UNC13C: variants seen among roughly 807,000 people sequenced by gnomAD.
The protein encoded by UNC13C is protein unc-13 homolog C.
Under a neutral mutation model 245.4 loss-of-function variants are expected in UNC13C, and 174 were observed. That is an observed-to-expected ratio of 0.71 (90% confidence interval 0.63 to 0.80). UNC13C has a LOEUF of 0.80. Ranked by LOEUF, UNC13C falls within the 30% of genes least tolerant of loss-of-function variation. The pLI, the probability that UNC13C is intolerant of heterozygous loss-of-function variation, is 0.00. For missense variants in UNC13C, 2,829 were observed against 2,602.9 expected (o/e 1.09, Z -1.89); for synonymous variants, 992 against 895.1 (o/e 1.11, Z -1.93).
At chr15:54,154,613 T>A (rs571903538) in intron 4 of UNC13C, among the ~76,000 whole-genome samples, 1 of 152,214 alleles carries the variant, frequency 6.6e-6, no homozygotes, top group Non-Finnish European at 1.5e-5. Context: ...TTCCGTTTTT[T>A]CCCCTTATTT....
intron 1 of UNC13C, among the ~76,000 whole-genome samples, chr15:53,994,353 A>G (rs1459206908): frequency 6.6e-6 from 1 of 152,064 alleles, no homozygotes; most frequent in East Asian, 1.9e-4. Context: ...TTACTTAAAG[A>G]GCACCTTAAG....
At chr15:54,071,885 C>A (rs11071024) in intron 2 of UNC13C, among the ~76,000 whole-genome samples, 74,848 of 151,880 alleles carry the variant, frequency 0.49, 20,285 homozygotes, top group Non-Finnish European at 0.61. Context: ...TGACCCCTGG[C>A]CTGACTTACT....
chr15:54,061,036 G>C (rs181182257), intron 2 of UNC13C, among the ~76,000 whole-genome samples: 144 of 152,126 alleles, frequency 9.5e-4, no homozygotes, highest in Middle Eastern at 3.4e-3. Flanking sequence ...GTTAATGGGT[G>C]CAGCACACCA....
intron 19 of UNC13C, among the ~76,000 whole-genome samples, chr15:54,484,040 G>T (rs1328927204): frequency 6.6e-6 from 1 of 151,112 alleles, no homozygotes; most frequent in Non-Finnish European, 1.5e-5. Context: ...ATTATTTGTT[G>T]CAGGGTTGGG....
intron 4 of UNC13C, among the ~76,000 whole-genome samples, chr15:54,164,131 C>T (rs759107990): frequency 1.9e-4 from 29 of 151,930 alleles, no homozygotes; most frequent in Middle Eastern, 3.4e-3. Context: ...TTGTTGTATA[C>T]GTTAAATATG....
chr15:54,601,010 A>T (rs1219938830), intron 30 of UNC13C, among the ~76,000 whole-genome samples: 2 of 150,674 alleles, frequency 1.3e-5, no homozygotes, highest in African/African-American at 4.8e-5. Flanking sequence ...CAAAAAAAAA[A>T]TCATTGTTTT....
the UNC13C span, among the ~76,000 whole-genome samples, chr15:53,951,662 C>G: frequency 6.6e-6 from 1 of 152,156 alleles, no homozygotes; most frequent in Non-Finnish European, 1.5e-5. Context: ...AAGATAAAAA[C>G]TCAGTTCTGT....
chr15:53,862,336 T>G, the UNC13C span, among the ~76,000 whole-genome samples: 1 of 152,100 alleles, frequency 6.6e-6, no homozygotes, highest in African/African-American at 2.4e-5. Flanking sequence ...CAAGTTTTTT[T>G]CTAGTGCTCG....
intron 10 of UNC13C, among the ~76,000 whole-genome samples, chr15:54,280,635 T>C (rs2036955929): frequency 6.7e-6 from 1 of 148,824 alleles, no homozygotes; most frequent in Non-Finnish European, 1.5e-5. Context: ...CATACAAGTA[T>C]ACATATATAA....
At chr15:54,601,355 A>G (rs1203655829) in intron 30 of UNC13C, among the ~76,000 whole-genome samples, 1 of 152,172 alleles carries the variant, frequency 6.6e-6, no homozygotes, top group East Asian at 1.9e-4. Context: ...TTAAAACCTA[A>G]GCCAGACCTA....
intron 19 of UNC13C, among the ~76,000 whole-genome samples, chr15:54,480,058 C>T (rs180739412): frequency 9.2e-5 from 14 of 152,152 alleles, no homozygotes; most frequent in Admixed American, 7.9e-4. Context: ...ATGGAGACTC[C>T]CTTATATGTG....
At chr15:54,054,017 A>G (rs1897388764) in intron 2 of UNC13C, among the ~76,000 whole-genome samples, 3 of 152,256 alleles carry the variant, frequency 2.0e-5, no homozygotes, top group Middle Eastern at 6.8e-3. Context: ...TTCTTCATCC[A>G]TTCGTCTGAT....
chr15:53,952,943 C>G, the UNC13C span, among the ~76,000 whole-genome samples: 1 of 152,074 alleles, frequency 6.6e-6, no homozygotes, highest in Admixed American at 6.5e-5. Context: ...GGGATGAACA[C>G]AGCAAAATAA....
chr15:54,143,542 T>G (rs1252004278), intron 3 of UNC13C, 78 bp from the exon 4 acceptor site: 1 of 1,154,790 alleles, frequency 8.7e-7, no homozygotes, highest in African/African-American at 1.5e-5. Flanking sequence ...AGCTGACCTG[T>G]GTCCCGATTT....
intron 17 of UNC13C, 149 bp downstream of exon 17, chr15:54,338,638 T>A (rs1330881020): frequency 2.3e-6 from 2 of 861,628 alleles, no homozygotes; most frequent in African/African-American, 3.4e-5. Context: ...TTCTTCATAT[T>A]TGAATATCAC....
chr15:54,365,051 C>CA (rs1555455114), intron 17 of UNC13C, among the ~76,000 whole-genome samples: 26 of 151,376 alleles, frequency 1.7e-4, no homozygotes, highest in Non-Finnish European at 1.5e-5. Flanking sequence ...TTTTGACAGC[C>CA]TTTTTTTTTC....
At chr15:54,195,060 G>C (rs1374238966) in intron 4 of UNC13C, among the ~76,000 whole-genome samples, 1 of 152,034 alleles carries the variant, frequency 6.6e-6, no homozygotes, top group Non-Finnish European at 1.5e-5. Flanking sequence ...CGGAAGTTTT[G>C]TGTGGAAGTG....
At chr15:54,503,823 C>G (rs1894342596) in intron 22 of UNC13C, among the ~76,000 whole-genome samples, 1 of 152,098 alleles carries the variant, frequency 6.6e-6, no homozygotes, top group African/African-American at 2.4e-5. Flanking sequence ...CTCTACGCTT[C>G]TAAGTATTGG....
At chr15:54,332,305 C>CTGTGTGTGTGTGTGTGTGTGTGTGTG (rs34179914) in intron 15 of UNC13C, among the ~76,000 whole-genome samples, 194 bp downstream of exon 15, 40 of 145,678 alleles carry the variant, frequency 2.7e-4, no homozygotes, top group African/African-American at 9.4e-4. Context: ...CAACAATACT[C>CTGTGTGTGTGTGTGTGTGTGTGTGTG]TGTGTGTGTG....
Sources: gnomAD v4.1 joint callset for allele counts (sites outside exome capture counted in the v4.1 genomes callset) on GRCh38, gnomAD v4.1.1 for gene constraint, MANE v1.5 for transcripts, NCBI Gene and HGNC (gene_info 2026-07-23, HGNC 2026-07-21) for gene names.